The following LRRC7 variants were observed in gnomAD, a reference collection of about 807,000 sequenced individuals.
The protein encoded by LRRC7 is leucine-rich repeat-containing protein 7.
LRRC7 carries 23 observed loss-of-function variants against 175.7 expected under a neutral mutation model. That is an observed-to-expected ratio of 0.13 (90% CI 0.09 to 0.19). The LOEUF is 0.19. LRRC7 is among the 10% of genes least tolerant of loss of function. The pLI, the probability that LRRC7 is intolerant of heterozygous loss-of-function variation, is 1.00. For synonymous variants in LRRC7, 685 were observed against 680.9 expected (o/e 1.01, Z -0.09); for missense variants, 1,354 against 1,904.7 (o/e 0.71, Z 5.38).
chr1:69,742,868 TC>T (rs1157604007), intron 2 of LRRC7, among the ~76,000 whole-genome samples: 1 of 151,958 alleles, frequency 6.6e-6, no homozygotes, highest in Non-Finnish European at 1.5e-5. Context: ...CCTTTTGTAC[TC>T]AGAACAGAAA....
chr1:70,081,718 G>A (rs536930979), intron 24 of LRRC7, among the ~76,000 whole-genome samples: 19 of 152,264 alleles, frequency 1.2e-4, no homozygotes, highest in African/African-American at 3.9e-4. Context: ...AGAGTGAAAC[G>A]ATGGAAAAAT....
chr1:69,951,786 G>A (rs114133432), intron 8 of LRRC7, among the ~76,000 whole-genome samples: 2 of 151,954 alleles, frequency 1.3e-5, no homozygotes, highest in South Asian at 2.1e-4. Flanking sequence ...TGGGGTCTAC[G>A]TGAGGATGGA....
intron 1 of LRRC7, among the ~76,000 whole-genome samples, chr1:69,630,645 G>T (rs182280406): frequency 2.0e-5 from 3 of 151,588 alleles, no homozygotes; most frequent in African/African-American, 7.3e-5. Context: ...ATAATATTGG[G>T]CACCTTTCCA....
At position 69,701,902 on chromosome 1, in the gene LRRC7, A is replaced by T. The variant is rs550872995; in HGVS notation, c.100+23424A>T. ...TCACTAGTGTTATACAAGCTAAAGG[A>T]AAGATTCCATTTTACGTATTTAAAA... On this transcript the variant is annotated intron_variant, in intron 2 of 26. Transcript: ENST00000651989. Among the ~76,000 whole-genome samples, 12 of 152,322 alleles carry T rather than the reference A, an allele frequency of 7.9e-5. 1 individual carries two copies. In the South Asian group the frequency reaches 8.3e-4, roughly 11 times the overall value.
intron 2 of LRRC7, among the ~76,000 whole-genome samples, chr1:69,713,637 G>A (rs1014633376): frequency 7.2e-5 from 11 of 151,784 alleles, no homozygotes; most frequent in Admixed American, 1.3e-4. Context: ...TACATCAAAT[G>A]GTATTTAATC....
intron 2 of LRRC7, among the ~76,000 whole-genome samples, chr1:69,714,757 G>C (rs1334466876): frequency 6.6e-6 from 1 of 151,976 alleles, no homozygotes; most frequent in Non-Finnish European, 1.5e-5. Flanking sequence ...TTTTTAACTT[G>C]AATAGCAAGA....
At chr1:69,641,451 T>C (rs776481416) in intron 1 of LRRC7, among the ~76,000 whole-genome samples, 37 of 151,552 alleles carry the variant, frequency 2.4e-4, no homozygotes, top group Non-Finnish European at 4.1e-4. Flanking sequence ...AAATGAAAAC[T>C]CTAAACATTA....
intron 22 of LRRC7, among the ~76,000 whole-genome samples, chr1:70,047,368 G>T (rs758060749): frequency 7.9e-5 from 12 of 152,128 alleles, no homozygotes; most frequent in Middle Eastern, 3.2e-3. Context: ...TGGAGTTGTA[G>T]TATCCATTTG....
chr1:69,584,194 G>A (rs1242823500), intron 1 of LRRC7, among the ~76,000 whole-genome samples: 2 of 152,142 alleles, frequency 1.3e-5, no homozygotes, highest in Middle Eastern at 3.4e-3. Flanking sequence ...AGGCAAAGGT[G>A]GAAAGAATTA....
At chr1:69,684,908 T>A (rs1298921922) in intron 2 of LRRC7, among the ~76,000 whole-genome samples, 4 of 152,176 alleles carry the variant, frequency 2.6e-5, no homozygotes, top group Non-Finnish European at 5.9e-5. Context: ...AGGCCATCCC[T>A]GCTCTGCTCT....
At chr1:70,100,051 C>T (rs1215544543) in intron 25 of LRRC7, among the ~76,000 whole-genome samples, 1 of 152,016 alleles carries the variant, frequency 6.6e-6, no homozygotes, top group Non-Finnish European at 1.5e-5. Context: ...AAGAAATAAA[C>T]AGGATGCAAT....
intron 1 of LRRC7, among the ~76,000 whole-genome samples, chr1:69,632,425 T>G (rs977267360): frequency 1.3e-5 from 2 of 152,196 alleles, no homozygotes; most frequent in Non-Finnish European, 2.9e-5. Flanking sequence ...ATTTTAAATT[T>G]TCTCTATCAT....
chr1:69,738,935 T>G (rs1668414611), intron 2 of LRRC7, among the ~76,000 whole-genome samples: 1 of 151,954 alleles, frequency 6.6e-6, no homozygotes, highest in African/African-American at 2.4e-5. Context: ...GATGGCCAAG[T>G]GAGAAACCCC....
chr1:70,018,433 T>G (rs1657150924), intron 14 of LRRC7, among the ~76,000 whole-genome samples: 1 of 152,032 alleles, frequency 6.6e-6, no homozygotes. Flanking sequence ...GTTGAAACAA[T>G]TTAACACATT....
chr1:69,848,345 G>C (rs551831579), intron 7 of LRRC7, among the ~76,000 whole-genome samples: 1 of 152,158 alleles, frequency 6.6e-6, no homozygotes, highest in South Asian at 2.1e-4. Context: ...ATTTTGGAAT[G>C]GCACAGTCTC....
At chr1:69,785,912 T>C (rs1674357994) in intron 3 of LRRC7, among the ~76,000 whole-genome samples, 2 of 152,210 alleles carry the variant, frequency 1.3e-5, no homozygotes, top group Non-Finnish European at 2.9e-5. Context: ...TACCGTGTCC[T>C]CCATGTCATT....
chr1:69,976,458 C>G (rs1401325363), intron 8 of LRRC7, among the ~76,000 whole-genome samples: 5 of 152,198 alleles, frequency 3.3e-5, no homozygotes, highest in African/African-American at 1.2e-4. Context: ...AGCCCACTGA[C>G]TCAAAAATTA....
chr1:69,931,467 T>G (rs375261750), intron 7 of LRRC7, 40 bp from the exon 8 acceptor site: 1 of 1,529,016 alleles, frequency 6.5e-7, no homozygotes. Context: ...CAATGTATCA[T>G]GCACTACCTC....
chr1:69,623,606 A>G (rs1024022547), intron 1 of LRRC7, among the ~76,000 whole-genome samples: 2 of 147,272 alleles, frequency 1.4e-5, no homozygotes, highest in South Asian at 2.1e-4. Flanking sequence ...GCTGGAGTGC[A>G]ATGGTACGAT....
Sources: allele counts gnomAD v4.1 joint callset (sites outside exome capture counted in the v4.1 genomes callset), GRCh38; gene constraint gnomAD v4.1.1; transcripts MANE v1.5; gene names NCBI Gene and HGNC (gene_info 2026-07-23, HGNC 2026-07-21).